Variants in CLEC16A observed in about 807,000 individuals in gnomAD.
The protein encoded by CLEC16A is C-type lectin domain containing 16A.
Under a neutral mutation model 109.5 loss-of-function variants are expected in CLEC16A, and 51 were observed. That is an observed-to-expected ratio of 0.47 (90% confidence interval 0.37 to 0.59). The LOEUF is 0.59. CLEC16A is among the 20% of genes least tolerant of loss of function. CLEC16A has a pLI of 0.00. For synonymous variants in CLEC16A, 673 were observed against 564.2 expected, an observed-to-expected ratio of 1.19 and a Z score of -2.73; for missense variants, 1,339 against 1,394.0, an observed-to-expected ratio of 0.96 and a Z score of 0.63.
intron 12 of CLEC16A, among the ~76,000 whole-genome samples, chr16:11,022,555 G>A (rs2046172145): frequency 6.6e-6 from 1 of 151,844 alleles, no homozygotes; most frequent in Non-Finnish European, 1.5e-5. Flanking sequence ...AAAACAGACT[G>A]TTTTTATATT....
chr16:11,177,089 T>C (rs540887448), intron 23 of CLEC16A, among the ~76,000 whole-genome samples: 6 of 152,192 alleles, frequency 3.9e-5, no homozygotes, highest in Non-Finnish European at 8.8e-5. Context: ...CGATATAGCA[T>C]CGTCAGCACC....
At chr16:11,052,744 G>A (rs566573904) in intron 18 of CLEC16A, among the ~76,000 whole-genome samples, 1 of 152,302 alleles carries the variant, frequency 6.6e-6, no homozygotes, top group East Asian at 1.9e-4. Context: ...GCTTCATGAT[G>A]CTGACGTGCT....
At chr16:11,138,357 A>G (rs1473165360) in intron 22 of CLEC16A, among the ~76,000 whole-genome samples, 10 of 152,340 alleles carry the variant, frequency 6.6e-5, no homozygotes, top group African/African-American at 2.4e-4. Context: ...GAAGCTCAGC[A>G]GGGCCCGATA....
At chr16:11,043,957 A>G in intron 15 of CLEC16A, 71 bp from the exon 16 acceptor site, 2 of 1,222,216 alleles carry the variant, frequency 1.6e-6, no homozygotes, top group Non-Finnish European at 2.3e-6. Context: ...ATGTTTTAGA[A>G]TTCGTAGTTT....
At chr16:11,137,689 G>C (rs1291079390) in intron 22 of CLEC16A, among the ~76,000 whole-genome samples, 1 of 151,568 alleles carries the variant, frequency 6.6e-6, no homozygotes, top group African/African-American at 2.4e-5. Flanking sequence ...TGTGCCTGTA[G>C]TCCCAGCTAC....
chr16:11,065,505 G>A lies in CLEC16A; in HGVS notation c.2116+4483G>A, dbSNP rs571450711. The stretch of plus-strand genomic sequence containing the variant: ...TGCTGTATGCCAGGCACAGTGCTAG[G>A]AGCTGAGATGTGAGAGTGAGCAAAA... On this transcript the variant is annotated intron_variant, in intron 19 of 23. Coordinates refer to ENST00000409790, the MANE Select transcript of CLEC16A (RefSeq NM_015226.3). Among the ~76,000 whole-genome samples, 8 of 152,360 alleles carry A rather than the reference G, an allele frequency of 5.3e-5. No homozygotes were observed. In the East Asian group the frequency reaches 1.2e-3, roughly 22 times the overall value.
At chr16:11,090,779 G>A (rs965217916) in intron 19 of CLEC16A, among the ~76,000 whole-genome samples, 1 of 151,144 alleles carries the variant, frequency 6.6e-6, no homozygotes, top group African/African-American at 2.4e-5. Context: ...CAAGTAGCTG[G>A]GATTACAGGC....
intron 1 of CLEC16A, among the ~76,000 whole-genome samples, chr16:10,947,619 G>C (rs933556209): frequency 6.6e-6 from 1 of 152,210 alleles, no homozygotes; most frequent in African/African-American, 2.4e-5. Flanking sequence ...GAAGTAGGAA[G>C]GGGCTTGGGA....
chr16:10,977,503 A>AG lies in CLEC16A; in HGVS notation c.903+106dup, dbSNP rs1241238962. 1.2e-5 allele frequency: 13 copies of AG among 1,054,024 alleles called. No individual in the cohort carries two copies. The African/African-American group carries it at 1.9e-4, about 16-fold the overall frequency. The allele number at this position is 1,054,024 out of a possible 1,614,324, so 65.3% of individuals were successfully genotyped here. On this transcript the variant is annotated intron_variant, in intron 8 of 23. Transcript: ENST00000409790. ...GGCTGAGCATTGCAAATCAGGACTG[A>AG]GGTTTTTTTTTTGTTTGTTTGTTTT...
intron 23 of CLEC16A, among the ~76,000 whole-genome samples, chr16:11,173,072 C>T (rs1487587177): frequency 6.6e-6 from 1 of 152,122 alleles, no homozygotes; most frequent in African/African-American, 2.4e-5. Flanking sequence ...CCCCCTTCAC[C>T]CCACCACACC....
intron 8 of CLEC16A, 124 bp from the exon 9 acceptor site, chr16:10,979,205 C>T: frequency 1.3e-6 from 1 of 764,012 alleles, no homozygotes; most frequent in Non-Finnish European, 2.1e-6. Context: ...AGCCCTAGGG[C>T]CGTGGAGGAA....
intron 16 of CLEC16A, 54 bp downstream of exon 16, chr16:11,044,126 A>T: frequency 6.8e-7 from 1 of 1,478,586 alleles, no homozygotes; most frequent in East Asian, 2.3e-5. Flanking sequence ...TAGAAACAGA[A>T]GTGTGGTGTC....
At chr16:11,125,156 C>A (rs1039389910) in intron 21 of CLEC16A, among the ~76,000 whole-genome samples, 9 of 152,214 alleles carry the variant, frequency 5.9e-5, no homozygotes, top group Non-Finnish European at 1.2e-4. Flanking sequence ...CTGATTTGCA[C>A]AGGCCCGCGT....
At chr16:11,102,371 C>T (rs754934989) in intron 19 of CLEC16A, among the ~76,000 whole-genome samples, 9 of 152,280 alleles carry the variant, frequency 5.9e-5, no homozygotes, top group African/African-American at 1.7e-4. Context: ...GTGAGGTATA[C>T]GCTTTTGTTT....
intron 15 of CLEC16A, among the ~76,000 whole-genome samples, chr16:11,043,598 CTCGTGCCTGTAATCCCAGCACT>C (rs2047466932): frequency 6.6e-6 from 1 of 151,920 alleles, no homozygotes; most frequent in Non-Finnish European, 1.5e-5. Flanking sequence ...GGCATGGTGG[CTCGTGCCTGTAATCCCAGCACT>C]TTGGGAGGCC....
rs117957820 is a variant in CLEC16A, at chr16:10,994,219, A to G, written c.1072-8855A>G. 5.3e-5 allele frequency among the ~76,000 whole-genome samples: 8 copies of G among 152,328 alleles called. No individual in the cohort carries two copies. The East Asian group carries it at 1.2e-3, about 22-fold the overall frequency. On this transcript the variant is annotated intron_variant, in intron 10 of 23. Transcript: ENST00000409790. ...GCTACCTTTGCATGTTCCCCACTCC[A>G]TAGCATTCATTTTCTCCTTTACATT...
intron 19 of CLEC16A, among the ~76,000 whole-genome samples, chr16:11,075,042 G>GA (rs2049272593): frequency 6.6e-6 from 1 of 152,136 alleles, no homozygotes; most frequent in Non-Finnish European, 1.5e-5. Flanking sequence ...AGTGAGTAAT[G>GA]ATTGCACCAC....
intron 19 of CLEC16A, among the ~76,000 whole-genome samples, chr16:11,094,839 A>G (rs907410135): frequency 5.3e-5 from 8 of 152,208 alleles, no homozygotes; most frequent in African/African-American, 1.4e-4. Context: ...GAATCAAGTT[A>G]TCGTTATTAT....
intron 12 of CLEC16A, chr16:11,024,147 A>G (rs2046280761): frequency 6.6e-6 from 1 of 152,278 alleles, no homozygotes; most frequent in Non-Finnish European, 1.5e-5. Context: ...TTGGTATATT[A>G]AAAATAGAAA....
Sources: gnomAD v4.1 joint callset for allele counts (sites outside exome capture counted in the v4.1 genomes callset) on GRCh38, gnomAD v4.1.1 for gene constraint, MANE v1.5 for transcripts, NCBI Gene and HGNC (gene_info 2026-07-23, HGNC 2026-07-21) for gene names.